NCALD: variants seen among roughly 807,000 people sequenced by gnomAD.
The protein encoded by NCALD is neurocalcin delta, also known as neurocalcin-delta.
In NCALD, 10 loss-of-function variants were observed where a neutral mutation model predicts 18.6. That is an observed-to-expected ratio of 0.54 (90% CI 0.33 to 0.91). The LOEUF (loss-of-function observed/expected upper bound fraction) is 0.91, where lower values mean the gene tolerates loss of function less well. Among genes scored for constraint, NCALD ranks in the 40% least tolerant of loss-of-function variants. The probability of loss-of-function intolerance (pLI) is 0.03; values close to 1 mark genes in which losing one functional copy is unlikely to be tolerated. For synonymous variants in NCALD, 88 were observed against 87.4 expected, an observed-to-expected ratio of 1.01 and a Z score of -0.04; for missense variants, 184 against 247.6, an observed-to-expected ratio of 0.74 and a Z score of 1.72.
Position 102,017,690 on chromosome 8 carries a change from G to A in NCALD, c.-157+2547C>T, listed in dbSNP as rs144725048. Among the ~76,000 whole-genome samples the A allele has an allele frequency of 7.8e-3, 1,194 of 152,210 alleles. 17 individuals are homozygous for A. The highest frequency in any genetic ancestry group is 0.026 in the African/African-American group (1,099 of 41,548). On this transcript the variant is annotated intron_variant, in intron 2 of 6. Transcript: ENST00000311028. ...AGCCTGGGTGACAGAGCAAGACTCC[G>A]TCTCAAAAAACAAAACAAAACAAAA...
chr8:102,054,812 C>A (rs1245837456), intron 1 of NCALD, among the ~76,000 whole-genome samples: 2 of 152,060 alleles, frequency 1.3e-5, no homozygotes, highest in African/African-American at 4.8e-5. Flanking sequence ...CTCTATATTT[C>A]TATCTCTATA....
In NCALD at chr8:101,966,375, G is replaced by A. The variant is rs998406002; in HGVS notation, c.-156-50517C>T. 2.6e-5 allele frequency among the ~76,000 whole-genome samples: 4 copies of A among 151,140 alleles called. No homozygotes were observed. The East Asian group carries it at 7.8e-4, about 30-fold the overall frequency. On this transcript the variant is annotated intron_variant, in intron 2 of 6. Coordinates refer to the NCALD transcript ENST00000311028. ...AAACCATCATTCTCAGCAAACTATC[G>A]CAGGGACCAAAAAACCAAACACCAC...
chr8:102,048,506 GA>G (rs2132209043), intron 1 of NCALD, among the ~76,000 whole-genome samples: 1 of 152,282 alleles, frequency 6.6e-6, no homozygotes, highest in East Asian at 1.9e-4. Context: ...TTCACCAGCA[GA>G]ACAGGAGAAG....
intron 4 of NCALD, among the ~76,000 whole-genome samples, chr8:101,875,916 T>C (rs1309843740): frequency 6.6e-6 from 1 of 152,240 alleles, no homozygotes; most frequent in Admixed American, 6.5e-5. Context: ...TGGCTGCCTC[T>C]GTTGTAGTAG....
intron 4 of NCALD, among the ~76,000 whole-genome samples, chr8:101,879,157 G>A (rs1816357746): frequency 6.6e-6 from 1 of 152,158 alleles, no homozygotes; most frequent in South Asian, 2.1e-4. Flanking sequence ...GAGTTTCCTG[G>A]GGTAGATTCT....
At chr8:101,912,615 GAAGC>G (rs1817840608) in intron 3 of NCALD, among the ~76,000 whole-genome samples, 1 of 152,200 alleles carries the variant, frequency 6.6e-6, no homozygotes, top group Admixed American at 6.5e-5. Context: ...TTGAAAGCAA[GAAGC>G]AAGCATTTCT....
rs191177165 is a variant in NCALD, at chr8:101,862,627, C to T, written c.-20+24514G>A. On this transcript the variant is annotated intron_variant, in intron 4 of 6. Coordinates refer to the NCALD transcript ENST00000311028. Reference sequence around the variant, plus strand: ...TAAAATTTTCAAAAATGACAAATATCCAAGTACAGCTGTGTACATTTCTCA... The same window carrying T: ...TAAAATTTTCAAAAATGACAAATATTCAAGTACAGCTGTGTACATTTCTCA... Among the ~76,000 whole-genome samples, 228 of 152,276 alleles carry T rather than the reference C, an allele frequency of 1.5e-3. 1 individual carries two copies. Among genetic ancestry groups the T allele is most frequent in the African/African-American group, 5.3e-3 (219 of 41,556 alleles).
At chr8:102,124,692 G>C (rs1224844531), upstream of NCALD, 1 of 152,560 alleles carries the variant, frequency 6.6e-6, no homozygotes, top group African/African-American at 2.4e-5. Context: ...ATTTGAGGGG[G>C]GGTCTGGGGT....
chr8:101,849,767 T>C (rs1023525857), intron 4 of NCALD, among the ~76,000 whole-genome samples: 1 of 152,182 alleles, frequency 6.6e-6, no homozygotes, highest in Non-Finnish European at 1.5e-5. Context: ...AGAGACAAGC[T>C]AGCGCTAACT....
chr8:101,930,432 CT>C (rs1297469145), intron 2 of NCALD, among the ~76,000 whole-genome samples: 1 of 151,982 alleles, frequency 6.6e-6, no homozygotes, highest in African/African-American at 2.4e-5. Context: ...GGCAAAATCT[CT>C]TTATTTTGAA....
At chr8:101,900,167 C>G (rs1434555167) in intron 3 of NCALD, among the ~76,000 whole-genome samples, 1 of 151,714 alleles carries the variant, frequency 6.6e-6, no homozygotes, top group Admixed American at 6.6e-5. Context: ...GTAGAATGTC[C>G]TTATTATTCT....
At chr8:101,758,025 A>G (rs1810959723) in intron 1 of NCALD, among the ~76,000 whole-genome samples, 2 of 152,088 alleles carry the variant, frequency 1.3e-5, no homozygotes, top group African/African-American at 4.8e-5. Context: ...CCTGGCCTCA[A>G]ACATTCCTCC....
At chr8:102,095,766 A>G (rs1299617569) in intron 1 of NCALD, among the ~76,000 whole-genome samples, 1 of 152,250 alleles carries the variant, frequency 6.6e-6, no homozygotes, top group Non-Finnish European at 1.5e-5. Context: ...GGCTTACCTC[A>G]TGGTGGAAGC....
chr8:101,800,267 G>A (rs1434575078), intron 4 of NCALD, among the ~76,000 whole-genome samples: 1 of 152,020 alleles, frequency 6.6e-6, no homozygotes, highest in African/African-American at 2.4e-5. Context: ...GTAAAAGAGA[G>A]GAATAGAATT....
chr8:101,813,449 C>A (rs934202449), intron 4 of NCALD, among the ~76,000 whole-genome samples: 1 of 152,070 alleles, frequency 6.6e-6, no homozygotes, highest in African/African-American at 2.4e-5. Context: ...GCCAGTGTAT[C>A]AAGGAGGTAA....
intron 2 of NCALD, among the ~76,000 whole-genome samples, chr8:101,985,077 A>C (rs1024991252): frequency 2.0e-5 from 3 of 152,220 alleles, no homozygotes; most frequent in African/African-American, 4.8e-5. Context: ...TTCAAAGCAC[A>C]ACCCAAGTTA....
chr8:101,761,109 C>A (rs1811091479), intron 1 of NCALD, among the ~76,000 whole-genome samples: 1 of 152,110 alleles, frequency 6.6e-6, no homozygotes, highest in Non-Finnish European at 1.5e-5. Context: ...CTAGAGAGAA[C>A]AATTCCACCA....
chr8:101,913,652 G>C (rs868776223), intron 3 of NCALD, among the ~76,000 whole-genome samples: 1 of 152,048 alleles, frequency 6.6e-6, no homozygotes, highest in East Asian at 1.9e-4. Flanking sequence ...GCACAATCTC[G>C]GCTCACCACA....
Position 102,068,700 on chromosome 8 carries a change from TTTC to T in NCALD, c.-209-48414_-209-48412del, listed in dbSNP as rs570476149. On this transcript the variant is annotated intron_variant, in intron 1 of 6. Coordinates refer to the NCALD transcript ENST00000311028. ...CATTTCTGTCTTGAGCACTGCAATA[TTTC>T]TTCTTTTTTTTCCTCTCTTGGGTAA... is the stretch of plus-strand genomic sequence containing the variant. Among the ~76,000 whole-genome samples, 15 of 151,864 alleles carry T rather than the reference TTTC, an allele frequency of 9.9e-5. No individual in the cohort carries two copies. In the South Asian group the frequency reaches 1.9e-3, roughly 19 times the overall value.
Sources: gnomAD v4.1 joint callset for allele counts (sites outside exome capture counted in the v4.1 genomes callset) on GRCh38, gnomAD v4.1.1 for gene constraint, MANE v1.5 for transcripts, NCBI Gene and HGNC (gene_info 2026-07-23, HGNC 2026-07-21) for gene names.